Variants in SLC25A21 observed in about 807,000 individuals in gnomAD.
The protein encoded by SLC25A21 is mitochondrial 2-oxodicarboxylate carrier.
SLC25A21 carries 47 observed loss-of-function variants against 43.8 expected under a neutral mutation model. The ratio of observed to expected loss-of-function variants is 1.07; its 90% CI spans 0.85 to 1.37. The LOEUF (loss-of-function observed/expected upper bound fraction) is 1.37. Among genes scored for constraint, SLC25A21 ranks in the 40% most tolerant of loss-of-function variants. The probability of loss-of-function intolerance (pLI) is 0.00; values close to 1 mark genes in which losing one functional copy is unlikely to be tolerated. For missense variants in SLC25A21, 352 were observed against 350.2 expected (o/e 1.00, Z -0.04); for synonymous variants, 131 against 121.3 (o/e 1.08, Z -0.52).
At chr14:36,898,729 T>C (rs923855212) in intron 1 of SLC25A21, among the ~76,000 whole-genome samples, 1 of 152,000 alleles carries the variant, frequency 6.6e-6, no homozygotes, top group Non-Finnish European at 1.5e-5. Flanking sequence ...CTCATGGAAG[T>C]GGAGAGTACA....
intron 1 of SLC25A21, among the ~76,000 whole-genome samples, chr14:36,909,456 G>A (rs751388246): frequency 3.3e-5 from 5 of 152,148 alleles, no homozygotes; most frequent in Non-Finnish European, 5.9e-5. Flanking sequence ...CAACTGCACT[G>A]GATATGAGCC....
intron 1 of SLC25A21, among the ~76,000 whole-genome samples, chr14:37,062,468 T>TTA (rs1555344712): frequency 5.9e-5 from 9 of 152,108 alleles, no homozygotes; most frequent in African/African-American, 1.7e-4. Flanking sequence ...ATTTTTTTTT[T>TTA]AAAAAAAGAA....
rs1293332609 is a variant in SLC25A21, at chr14:36,868,758, C to T, written c.119+6198G>A. ...AATTTCTTACTCCTGCCTTGTCCTACTCTGCTCTGTAATGTGAAGGGGCTG... is the reference window on the plus strand; with the variant it reads ...AATTTCTTACTCCTGCCTTGTCCTATTCTGCTCTGTAATGTGAAGGGGCTG... On this transcript the variant is annotated intron_variant, in intron 2 of 9. Transcript: ENST00000331299. Among the ~76,000 whole-genome samples, 4 of 152,340 alleles carry T rather than the reference C, an allele frequency of 2.6e-5. No individual in the cohort carries two copies. The East Asian group carries it at 7.7e-4, about 29-fold the overall frequency.
At chr14:36,871,600 C>G (rs572294154) in intron 2 of SLC25A21, among the ~76,000 whole-genome samples, 1 of 152,188 alleles carries the variant, frequency 6.6e-6, no homozygotes, top group Non-Finnish European at 1.5e-5. Flanking sequence ...CATACATGTA[C>G]TATTTTGATA....
chr14:36,992,597 T>C (rs80221349), intron 1 of SLC25A21, among the ~76,000 whole-genome samples: 2,985 of 152,258 alleles, frequency 0.02, 97 homozygotes, highest in African/African-American at 0.067. Context: ...CTTTTCTGAT[T>C]ATTTGTTAGC....
chr14:36,710,881 T>G (rs1594512556), intron 7 of SLC25A21, among the ~76,000 whole-genome samples: 1 of 152,188 alleles, frequency 6.6e-6, no homozygotes, highest in Non-Finnish European at 1.5e-5. Context: ...GAAATTTAAA[T>G]TTTAGGCCAA....
chr14:36,890,430 T>C (rs1387817486), intron 1 of SLC25A21, among the ~76,000 whole-genome samples: 3 of 151,940 alleles, frequency 2.0e-5, no homozygotes, highest in Admixed American at 6.6e-5. Flanking sequence ...AAGGAGGGAA[T>C]TGAGGACATG....
rs145520005 is a variant in SLC25A21 at position 36,712,173 on chromosome 14, CTGGCTGA to C, written c.439-698_439-692del. On this transcript the variant is annotated intron_variant, in intron 6 of 9. Coordinates refer to ENST00000331299, the MANE Select transcript of SLC25A21 (RefSeq NM_030631.4). ...AATGTCCTGACTGCTAGAATCCAGT[CTGGCTGA>C]AGAGCTCACTGCTGTTACCCTGAGA... 9.6e-3 allele frequency among the ~76,000 whole-genome samples: 1,459 copies of C among 152,254 alleles called. 17 individuals carry two copies. The highest frequency in any genetic ancestry group is 0.033 in the African/African-American group (1,389 of 41,522).
intron 1 of SLC25A21, among the ~76,000 whole-genome samples, chr14:37,093,684 G>A (rs577055626): frequency 2.1e-4 from 32 of 152,194 alleles, no homozygotes; most frequent in Non-Finnish European, 3.8e-4. Flanking sequence ...GGGATGAATG[G>A]AGGGGAGAGA....
At chr14:37,004,926 A>ATTTT (rs35750060) in intron 1 of SLC25A21, among the ~76,000 whole-genome samples, 1 of 143,162 alleles carries the variant, frequency 7.0e-6, no homozygotes, top group Non-Finnish European at 1.5e-5. Flanking sequence ...CAGGGAAGGA[A>ATTTT]TTTTTTTTTT....
In SLC25A21 at chr14:37,096,266, T is replaced by A. The variant is rs868086148; in HGVS notation, c.70+76015A>T. Among the ~76,000 whole-genome samples, 3 of 152,218 alleles carry A rather than the reference T, an allele frequency of 2.0e-5. No individual in the cohort carries two copies. In the South Asian group the frequency reaches 6.2e-4, roughly 32 times the overall value. ...TTTATTGAAGTTGATAACAGAATTG[T>A]AGTTATAAACAGTCTTTTAGTATAC... On this transcript the variant is annotated intron_variant, in intron 1 of 9. Transcript: ENST00000331299.
At chr14:36,792,382 G>A (rs910428057) in intron 3 of SLC25A21, among the ~76,000 whole-genome samples, 8 of 152,056 alleles carry the variant, frequency 5.3e-5, no homozygotes, top group African/African-American at 9.7e-5. Context: ...CAATGGCTGC[G>A]AGTCTGTATT....
At chr14:36,767,763 G>A (rs1886468542) in intron 3 of SLC25A21, among the ~76,000 whole-genome samples, 2 of 152,132 alleles carry the variant, frequency 1.3e-5, no homozygotes, top group Admixed American at 1.3e-4. Flanking sequence ...TTGTAACTAA[G>A]CCTGTTTAGC....
chr14:37,007,300 G>C (rs1566809940), intron 1 of SLC25A21, among the ~76,000 whole-genome samples: 1 of 152,198 alleles, frequency 6.6e-6, no homozygotes, highest in East Asian at 1.9e-4. Context: ...ACTTATATTG[G>C]CATTAAAAAT....
chr14:36,799,068 C>A (rs186851169), intron 3 of SLC25A21, among the ~76,000 whole-genome samples: 1 of 152,246 alleles, frequency 6.6e-6, no homozygotes, highest in Admixed American at 6.5e-5. Flanking sequence ...AATGAATACT[C>A]CCTTTGTTCT....
At chr14:36,977,189 G>A (rs1038524532) in intron 1 of SLC25A21, among the ~76,000 whole-genome samples, 5 of 151,976 alleles carry the variant, frequency 3.3e-5, no homozygotes, top group Non-Finnish European at 5.9e-5. Flanking sequence ...CTGATCTGGG[G>A]ATCTATGGCC....
At chr14:36,886,523 T>A (rs1890917610) in intron 1 of SLC25A21, among the ~76,000 whole-genome samples, 1 of 152,222 alleles carries the variant, frequency 6.6e-6, no homozygotes, top group African/African-American at 2.4e-5. Flanking sequence ...CCTATTCTCA[T>A]AGAGTTTACT....
At chr14:36,726,914 G>A (rs1884623777) in intron 5 of SLC25A21, among the ~76,000 whole-genome samples, 1 of 152,118 alleles carries the variant, frequency 6.6e-6, no homozygotes, top group Admixed American at 6.5e-5. Context: ...GAGGGAGAAA[G>A]GAATATCTTC....
At chr14:36,774,849 A>G (rs2138364654) in intron 3 of SLC25A21, among the ~76,000 whole-genome samples, 1 of 152,342 alleles carries the variant, frequency 6.6e-6, no homozygotes, top group East Asian at 1.9e-4. Context: ...TTAGTAATAT[A>G]TATTGTGTTG....
Sources: gnomAD v4.1 joint callset for allele counts (sites outside exome capture counted in the v4.1 genomes callset) on GRCh38, gnomAD v4.1.1 for gene constraint, MANE v1.5 for transcripts, NCBI Gene and HGNC (gene_info 2026-07-23, HGNC 2026-07-21) for gene names.